The following ARHGEF38 variants were observed in gnomAD, a reference collection of about 807,000 sequenced individuals.
ARHGEF38 encodes Rho guanine nucleotide exchange factor (GEF) 38.
In ARHGEF38, 79 loss-of-function variants were observed where a neutral mutation model predicts 79.9. The observed-to-expected ratio is 0.99, with a 90% CI of 0.82 to 1.19. The LOEUF is 1.19. Ranked by LOEUF, ARHGEF38 falls within the 50% of genes most tolerant of loss-of-function variation. The probability of loss-of-function intolerance (pLI) is 0.00; values close to 1 mark genes in which losing one functional copy is unlikely to be tolerated. For synonymous variants in ARHGEF38, 366 were observed against 328.3 expected, an observed-to-expected ratio of 1.11 and a Z score of -1.24; for missense variants, 962 against 907.2, an observed-to-expected ratio of 1.06 and a Z score of -0.78.
intron 1 of ARHGEF38, among the ~76,000 whole-genome samples, chr4:105,567,637 C>A (rs1051249298): frequency 6.6e-6 from 1 of 152,112 alleles, no homozygotes; most frequent in Admixed American, 6.5e-5. Context: ...GACTTCAATA[C>A]CCTGTCTTTA....
chr4:105,608,454 G>A (rs1374582158), intron 2 of ARHGEF38, among the ~76,000 whole-genome samples: 1 of 151,572 alleles, frequency 6.6e-6, no homozygotes, highest in African/African-American at 2.4e-5. Context: ...TATAAAACTT[G>A]TACATATATG....
At chr4:105,639,728 C>T (rs2110530986) in intron 5 of ARHGEF38, among the ~76,000 whole-genome samples, 1 of 152,012 alleles carries the variant, frequency 6.6e-6, no homozygotes, top group African/African-American at 2.4e-5. Flanking sequence ...TTGTGCTACT[C>T]ATTTGTCCAT....
intron 2 of ARHGEF38, among the ~76,000 whole-genome samples, chr4:105,610,801 G>A (rs914350714): frequency 6.6e-6 from 1 of 151,992 alleles, no homozygotes; most frequent in Non-Finnish European, 1.5e-5. Flanking sequence ...TAAGATTACA[G>A]ATAAAATGTA....
intron 4 of ARHGEF38, chr4:105,631,551 C>T (rs1406339290): frequency 3.0e-6 from 3 of 985,328 alleles, no homozygotes; most frequent in Non-Finnish European, 3.6e-6. Flanking sequence ...GCCTTCCTTT[C>T]TCATCCCTAA....
chr4:105,680,961 T>G (rs532774664), downstream of ARHGEF38: 11 of 152,300 alleles, frequency 7.2e-5, no homozygotes, highest in Admixed American at 3.9e-4. Context: ...GTTGCGGAGC[T>G]GAGTTTTTAT....
intron 7 of ARHGEF38, 75 bp from the exon 8 acceptor site, chr4:105,653,990 A>G (rs1730218764): frequency 1.3e-6 from 1 of 764,060 alleles, no homozygotes. Context: ...AATGTGCTGG[A>G]CCAATATGGT....
At chr4:105,634,316 A>G (rs531847401) in intron 4 of ARHGEF38, among the ~76,000 whole-genome samples, 2 of 152,188 alleles carry the variant, frequency 1.3e-5, no homozygotes, top group Non-Finnish European at 2.9e-5. Context: ...CTTCAAAAAG[A>G]AAAGATTCTA....
intron 3 of ARHGEF38, among the ~76,000 whole-genome samples, chr4:105,629,491 A>G (rs1046051185): frequency 6.6e-6 from 1 of 151,536 alleles, no homozygotes; most frequent in Non-Finnish European, 1.5e-5. Context: ...AGAATGACTT[A>G]CTCCTGTTAA....
At chr4:105,635,030 C>T (rs1051581022) in intron 4 of ARHGEF38, among the ~76,000 whole-genome samples, 3 of 152,104 alleles carry the variant, frequency 2.0e-5, no homozygotes, top group African/African-American at 7.2e-5. Context: ...CCTTCAGTTC[C>T]TTGTTATATG....
chr4:105,560,426 G>A (rs1057113066), intron 1 of ARHGEF38, among the ~76,000 whole-genome samples: 3 of 152,148 alleles, frequency 2.0e-5, no homozygotes, highest in Non-Finnish European at 2.9e-5. Flanking sequence ...ATAACTGAGA[G>A]TCCTATTCTA....
chr4:105,659,232 C>A lies in ARHGEF38; in HGVS notation c.1412C>A (p.Ala471Asp). 1 of 1,536,116 alleles carries A rather than the reference C, an allele frequency of 6.5e-7. No individual in the cohort carries two copies. The highest frequency in any genetic ancestry group is 8.7e-7 in the Non-Finnish European group (1 of 1,146,880). ...AAAAAGGAGTATGAGGCCCTCAACG[C>A]CCAGCTTGTGGAGGAGCTCCAGGCA... ...LAKKEYEALN[A>D]QLVEELQAFN... The change falls in exon 10 of 14, where the codon GCC becomes GAC. Residue 471 changes from alanine (A) to aspartate (D), a missense_variant. By Grantham distance (126) the Ala-to-Asp change is moderately radical. Transcript: ENST00000420470.
rs1418130029 is a variant in ARHGEF38, at chr4:105,675,171, A to C, written c.2149-2581A>C. The stretch of plus-strand genomic sequence containing the variant: ...CTCTCCGCAAGAATACACTCTGTAC[A>C]TACTTGCTAGAACAAGAGTTTGGTC... On this transcript the variant is annotated intron_variant, in intron 13 of 13. Coordinates refer to ENST00000420470, the MANE Select transcript of ARHGEF38 (RefSeq NM_001242729.2). Among the ~76,000 whole-genome samples the C allele has an allele frequency of 2.6e-5, 4 of 152,228 alleles. No individual in the cohort carries two copies. In the South Asian group the frequency reaches 8.3e-4, roughly 31 times the overall value.
chr4:105,626,872 T>G (rs1362785236), intron 3 of ARHGEF38, among the ~76,000 whole-genome samples: 1 of 151,364 alleles, frequency 6.6e-6, no homozygotes, highest in Non-Finnish European at 1.5e-5. Flanking sequence ...CTCACAGACA[T>G]GGTCCCATCC....
rs114288046 is a variant in ARHGEF38, at chr4:105,664,794, T to C, written c.1546-1383T>C. On this transcript the variant is annotated intron_variant, in intron 10 of 13. Transcript: ENST00000420470. Reference sequence around the variant, plus strand: ...AAGAAATATGGGGAGGGAGCAGTCATAGCAATGTGTAGAGAGAGAGGTGTG... The same window carrying C: ...AAGAAATATGGGGAGGGAGCAGTCACAGCAATGTGTAGAGAGAGAGGTGTG... Among the ~76,000 whole-genome samples the C allele has an allele frequency of 9.7e-3, 1,472 of 152,260 alleles. 6 individuals are homozygous for C. The highest frequency in any genetic ancestry group is 0.016 in the Non-Finnish European group (1,078 of 67,996).
chr4:105,665,742 G>C (rs1428083762), intron 10 of ARHGEF38, among the ~76,000 whole-genome samples: 2 of 152,162 alleles, frequency 1.3e-5, no homozygotes, highest in African/African-American at 2.4e-5. Flanking sequence ...GACTTACCCA[G>C]TTTTTGAGGG....
At chr4:105,663,557 GTGTT>G (rs1258646117) in intron 10 of ARHGEF38, among the ~76,000 whole-genome samples, 5 of 152,088 alleles carry the variant, frequency 3.3e-5, no homozygotes, top group African/African-American at 1.2e-4. Context: ...GAATCATACA[GTGTT>G]TGTCTCTGTG....
intron 13 of ARHGEF38, among the ~76,000 whole-genome samples, chr4:105,669,779 C>T (rs1394247103): frequency 6.6e-6 from 1 of 152,098 alleles, no homozygotes; most frequent in South Asian, 2.1e-4. Flanking sequence ...ACCCTTTGCA[C>T]CCATTTGTAG....
chr4:105,609,578 A>G lies in ARHGEF38; in HGVS notation c.385-3806A>G, dbSNP rs114341240. ...TGCAATTCCTATTAAAATTTCAATG[A>G]CGTGTTTCATAGAAATAGAAAGACA... On this transcript the variant is annotated intron_variant, in intron 2 of 13. Coordinates refer to ENST00000420470, the MANE Select transcript of ARHGEF38 (RefSeq NM_001242729.2). 6.6e-3 allele frequency among the ~76,000 whole-genome samples: 1,004 copies of G among 152,224 alleles called. 5 individuals carry two copies. Among genetic ancestry groups the G allele is most frequent in the Non-Finnish European group, 0.011 (734 of 67,988 alleles).
rs765676697 is a variant in ARHGEF38 at position 105,561,167 on chromosome 4, C to T, written c.196+8206C>T. On this transcript the variant is annotated intron_variant, in intron 1 of 13. Coordinates refer to ENST00000420470, the MANE Select transcript of ARHGEF38 (RefSeq NM_001242729.2). ...CTTTGGGTGGCCAAGGTGGGTCTATCGCTTGAGCCCAGGAGTTTGAGACCA... is the reference window on the plus strand; with the variant it reads ...CTTTGGGTGGCCAAGGTGGGTCTATTGCTTGAGCCCAGGAGTTTGAGACCA... Among the ~76,000 whole-genome samples the T allele has an allele frequency of 2.9e-4, 44 of 152,062 alleles. No homozygotes were observed. In the Middle Eastern group the frequency reaches 0.01, roughly 35 times the overall value.
Sources: gnomAD v4.1 joint callset for allele counts (sites outside exome capture counted in the v4.1 genomes callset) on GRCh38, gnomAD v4.1.1 for gene constraint, MANE v1.5 for transcripts, NCBI Gene and HGNC (gene_info 2026-07-23, HGNC 2026-07-21) for gene names.